BTBD9: variants seen among roughly 807,000 people sequenced by gnomAD.
BTBD9 encodes BTB domain containing 9, also known as BTB/POZ domain-containing protein 9.
A neutral mutation model predicts 64.3 loss-of-function variants in BTBD9; 49 were observed. The ratio of observed to expected loss-of-function variants is 0.76; its 90% CI spans 0.61 to 0.97. The LOEUF is 0.97. Among genes scored for constraint, BTBD9 ranks in the 50% least tolerant of loss-of-function variants. The pLI, the probability that BTBD9 is intolerant of heterozygous loss-of-function variation, is 0.00. For missense variants in BTBD9, 598 were observed against 762.1 expected, an observed-to-expected ratio of 0.78 and a Z score of 2.53; for synonymous variants, 260 against 274.7, an observed-to-expected ratio of 0.95 and a Z score of 0.53.
intron 6 of BTBD9, among the ~76,000 whole-genome samples, chr6:38,350,397 G>A (rs985321368): frequency 2.0e-5 from 3 of 152,232 alleles, no homozygotes; most frequent in South Asian, 4.1e-4. Context: ...CTTTAAACCC[G>A]TGGTATTCCG....
intron 6 of BTBD9, among the ~76,000 whole-genome samples, chr6:38,539,528 C>T (rs1774171981): frequency 6.6e-6 from 1 of 152,170 alleles, no homozygotes; most frequent in Non-Finnish European, 1.5e-5. Flanking sequence ...CCACAAACAA[C>T]TTTTGATATT....
At chr6:38,604,041 T>C (rs1298221043) in intron 1 of BTBD9, among the ~76,000 whole-genome samples, 6 of 152,322 alleles carry the variant, frequency 3.9e-5, no homozygotes, top group Admixed American at 2.6e-4. Flanking sequence ...ACCCCTGTCA[T>C]CCAAAAGTCT....
At chr6:38,274,278 G>A (rs559080125) in intron 8 of BTBD9, among the ~76,000 whole-genome samples, 1 of 152,086 alleles carries the variant, frequency 6.6e-6, no homozygotes, top group African/African-American at 2.4e-5. Flanking sequence ...GGAGATTTTG[G>A]GCTGAGACAA....
intron 8 of BTBD9, among the ~76,000 whole-genome samples, chr6:38,281,350 T>C (rs1422376947): frequency 6.6e-6 from 1 of 152,152 alleles, no homozygotes; most frequent in African/African-American, 2.4e-5. Context: ...GAAAGGACAA[T>C]TGAACTCGGC....
chr6:38,480,743 C>T (rs953568889), intron 6 of BTBD9, among the ~76,000 whole-genome samples: 3 of 152,182 alleles, frequency 2.0e-5, no homozygotes, highest in Non-Finnish European at 4.4e-5. Flanking sequence ...TTATTCCCCA[C>T]CTGACCTCAA....
chr6:38,360,281 G>T (rs535298121), intron 6 of BTBD9, among the ~76,000 whole-genome samples: 2 of 152,230 alleles, frequency 1.3e-5, no homozygotes, highest in East Asian at 3.9e-4. Context: ...ACTTTACCAA[G>T]AACATACTAA....
rs1282896109 is a variant in BTBD9 at position 38,374,294 on chromosome 6, T to TATACATATATATATAC, written c.1155-29202_1155-29201insGTATATATATATGTAT. ...GAAAAAAAAAAAAAGTATATATATA[T>TATACATATATATATAC]ATGTATATATATGTATATATATATA... On this transcript the variant is annotated intron_variant, in intron 6 of 10. Transcript: ENST00000481247. Among the ~76,000 whole-genome samples, 3 of 80,412 alleles carry TATACATATATATATAC rather than the reference T, an allele frequency of 3.7e-5. 1 individual carries two copies. Among genetic ancestry groups the TATACATATATATATAC allele is most frequent in the East Asian group, 5.2e-4 (1 of 1,914 alleles). 52.8% of individuals were successfully genotyped at this position (80,412 alleles called of 152,430 possible).
intron 6 of BTBD9, among the ~76,000 whole-genome samples, chr6:38,520,072 T>C (rs12527568): frequency 6.6e-6 from 1 of 151,836 alleles, no homozygotes; most frequent in African/African-American, 2.4e-5. Flanking sequence ...TACACACACA[T>C]GCATATGCAT....
chr6:38,333,122 C>G (rs1476011399), intron 7 of BTBD9, among the ~76,000 whole-genome samples: 1 of 152,176 alleles, frequency 6.6e-6, no homozygotes, highest in African/African-American at 2.4e-5. Context: ...CAAGAAGCAC[C>G]AATGACCAAT....
At chr6:38,276,739 G>A (rs1382085284) in intron 8 of BTBD9, among the ~76,000 whole-genome samples, 1 of 152,102 alleles carries the variant, frequency 6.6e-6, no homozygotes, top group East Asian at 1.9e-4. Context: ...GTCATTGCCT[G>A]TATCTTCTTT....
intron 8 of BTBD9, among the ~76,000 whole-genome samples, chr6:38,281,246 C>G (rs376376560): frequency 5.3e-5 from 8 of 152,168 alleles, no homozygotes; most frequent in African/African-American, 1.4e-4. Flanking sequence ...GGGTGGTAAG[C>G]AGCAGGAAGA....
chr6:38,328,041 T>C (rs925407385), intron 7 of BTBD9, among the ~76,000 whole-genome samples: 1 of 152,214 alleles, frequency 6.6e-6, no homozygotes, highest in African/African-American at 2.4e-5. Context: ...AATGTGGAAA[T>C]AACTTTTTTA....
intron 7 of BTBD9, among the ~76,000 whole-genome samples, chr6:38,326,349 G>A (rs1562027410): frequency 6.6e-6 from 1 of 152,178 alleles, no homozygotes; most frequent in Non-Finnish European, 1.5e-5. Flanking sequence ...ATACCATGCA[G>A]GGCCTTGAGC....
At chr6:38,557,559 T>C (rs889380857) in intron 6 of BTBD9, among the ~76,000 whole-genome samples, 3 of 152,226 alleles carry the variant, frequency 2.0e-5, no homozygotes, top group African/African-American at 7.2e-5. Context: ...ATTGTGGGCC[T>C]TACCTATGTT....
chr6:38,232,491 C>T (rs949345889), intron 9 of BTBD9, among the ~76,000 whole-genome samples: 1 of 151,912 alleles, frequency 6.6e-6, no homozygotes, highest in East Asian at 1.9e-4. Context: ...AGGATGGTCT[C>T]GATCTCCTGA....
rs560801110 is a variant in BTBD9, at chr6:38,174,882, A to G, written c.*103T>C. The G allele has an allele frequency of 1.6e-4, 214 of 1,377,238 alleles. No homozygotes were observed. The highest frequency in any genetic ancestry group is 7.8e-4 in the Admixed American group (36 of 46,124). The allele number at this position is 1,377,238 out of a possible 1,614,324, so 85.3% of individuals were successfully genotyped here. ...CAGCTAGGTCGGCTCCTCCCTGGAA[A>G]GGGGCAGAGGTGGGGGCAGTCAACA... On this transcript the variant is annotated 3_prime_UTR_variant, in exon 11 of 11. Transcript: ENST00000481247.
chr6:38,416,572 C>T (rs1202930888), intron 6 of BTBD9, among the ~76,000 whole-genome samples: 1 of 144,422 alleles, frequency 6.9e-6, no homozygotes, highest in Non-Finnish European at 1.5e-5. Context: ...TCTCTATCTC[C>T]TGACCTCGTG....
intron 10 of BTBD9, among the ~76,000 whole-genome samples, chr6:38,178,933 A>G (rs1407556572): frequency 6.6e-6 from 1 of 151,948 alleles, no homozygotes; most frequent in African/African-American, 2.4e-5. Flanking sequence ...GCTCACTGCA[A>G]CCTCCGCCTC....
At chr6:38,296,408 G>T (rs1370915128) in intron 7 of BTBD9, among the ~76,000 whole-genome samples, 1 of 151,694 alleles carries the variant, frequency 6.6e-6, no homozygotes, top group Non-Finnish European at 1.5e-5. Context: ...ACCAACATTG[G>T]GTTTTGTTGA....
Sources: gnomAD v4.1 joint callset for allele counts (sites outside exome capture counted in the v4.1 genomes callset) on GRCh38, gnomAD v4.1.1 for gene constraint, MANE v1.5 for transcripts, NCBI Gene and HGNC (gene_info 2026-07-23, HGNC 2026-07-21) for gene names.